Variants in MAFF observed in about 807,000 individuals in gnomAD.
The protein encoded by MAFF is MAF bZIP transcription factor F.
In MAFF, 4 loss-of-function variants were observed where a neutral mutation model predicts 2.7. That is an observed-to-expected ratio of 1.48 (90% CI 0.73 to 3.39). MAFF has a LOEUF of 3.39. Among genes scored for constraint, MAFF ranks in the 30% most tolerant of loss-of-function variants. The probability of loss-of-function intolerance (pLI) is 0.01; values close to 1 mark genes in which losing one functional copy is unlikely to be tolerated. For missense variants in MAFF, 190 were observed against 246.6 expected (o/e 0.77, Z 1.54); for synonymous variants, 113 against 119.4 (o/e 0.95, Z 0.35).
At chr22:38,208,637 G>A (rs1243055664) in intron 1 of MAFF, among the ~76,000 whole-genome samples, 1 of 152,186 alleles carries the variant, frequency 6.6e-6, no homozygotes, top group African/African-American at 2.4e-5. Flanking sequence ...CAGGTCTTGA[G>A]ATGGGTGGCC....
chr22:38,210,133 G>A (rs1464135647), intron 1 of MAFF, among the ~76,000 whole-genome samples: 1 of 152,190 alleles, frequency 6.6e-6, no homozygotes, highest in Non-Finnish European at 1.5e-5. Flanking sequence ...CTTCACCGTG[G>A]ATCCGCACAG....
intron 1 of MAFF, chr22:38,203,568 G>A (rs2146008349): frequency 6.6e-6 from 1 of 152,360 alleles, no homozygotes; most frequent in Admixed American, 6.5e-5. Context: ...GAAAGCACCT[G>A]TTTGTCGTAG....
At position 38,215,186 on chromosome 22, in the gene MAFF, G is replaced by A. The variant is rs2091138585; in HGVS notation, c.*308G>A. The A allele has an allele frequency of 3.0e-6, 1 of 331,070 alleles. No individual in the cohort carries two copies. 20.5% of individuals were successfully genotyped at this position (331,070 alleles called of 1,614,324 possible). On this transcript the variant is annotated 3_prime_UTR_variant, in exon 3 of 3. Transcript: ENST00000338483. ...CCGGCTTAGAGAACAGCTGTTGGGG[G>A]AGAAGAGGGCACCCCTCATCTTGGA...
chr22:38,213,358 T>G (rs2091116955), intron 1 of MAFF, among the ~76,000 whole-genome samples: 1 of 152,106 alleles, frequency 6.6e-6, no homozygotes, highest in Non-Finnish European at 1.5e-5. Flanking sequence ...TTAGGCATAT[T>G]GATGCCGTGG....
At chr22:38,208,721 C>G (rs2091072727) in intron 1 of MAFF, among the ~76,000 whole-genome samples, 1 of 152,124 alleles carries the variant, frequency 6.6e-6, no homozygotes, top group African/African-American at 2.4e-5. Context: ...CCATTACACA[C>G]AGGGGTGGGG....
At chr22:38,211,531 G>GT (rs2091101712) in intron 1 of MAFF, among the ~76,000 whole-genome samples, 1 of 151,898 alleles carries the variant, frequency 6.6e-6, no homozygotes, top group Non-Finnish European at 1.5e-5. Context: ...GGCCACTGGG[G>GT]ATCACTTTCT....
At position 38,214,250 on chromosome 22, in the gene MAFF, C is replaced by T. The variant is rs4821765; in HGVS notation, c.37-170C>T. On this transcript the variant is annotated intron_variant, in intron 2 of 2. Coordinates refer to ENST00000338483, the MANE Select transcript of MAFF (RefSeq NM_012323.4). The surrounding 1 kb of genome is among the most constrained non-coding windows in gnomAD (Gnocchi z 6.3). ...CCCGGGGTGGCCTCCTTTTGTGTCC[C>T]GATCCTAGTCTGGCCCGGTTTCCCC... Among the ~76,000 whole-genome samples, 124,893 of 152,274 alleles carry T rather than the reference C, an allele frequency of 0.82. 51,384 individuals are homozygous for T. Among genetic ancestry groups the T allele is most frequent in the Admixed American group, 0.87 (13,361 of 15,310 alleles).
chr22:38,206,340 CTTTTT>C (rs61643002), intron 1 of MAFF, among the ~76,000 whole-genome samples: 36 of 108,290 alleles, frequency 3.3e-4, no homozygotes, highest in Middle Eastern at 5.2e-3. Context: ...CCTATGCCTC[CTTTTT>C]TTTTTTTTTT....
In MAFF at chr22:38,214,224, C is replaced by CCCCG. The variant is rs2091124739; in HGVS notation, c.37-195_37-192dup. ...GCGCTAGGTTAGAATTCAGGCTGAG[C>CCCCG]CCCGGGGTGGCCTCCTTTTGTGTCC... On this transcript the variant is annotated intron_variant, in intron 2 of 2. Transcript: ENST00000338483. This position sits in a 1 kb window ranked among gnomAD's most constrained non-coding sequence, Gnocchi z 6.3. 6.6e-6 allele frequency among the ~76,000 whole-genome samples: 1 copy of CCCCG among 152,268 alleles called. No individual in the cohort carries two copies. The highest frequency in any genetic ancestry group is 1.5e-5 in the Non-Finnish European group (1 of 68,050).
intron 1 of MAFF, among the ~76,000 whole-genome samples, chr22:38,208,218 G>A (rs1381960956): frequency 6.6e-6 from 1 of 152,196 alleles, no homozygotes; most frequent in East Asian, 1.9e-4. Context: ...TATACCACTT[G>A]ATTCCACCAA....
Position 38,216,441 on chromosome 22 carries a change from A to C in MAFF, c.*1563A>C, listed in dbSNP as rs2091151158. ...TTTATTTCCTGACTTACAGCAAGCG[A>C]GTTATCGTCTTCTGTATTTTGTAGA... On this transcript the variant is annotated 3_prime_UTR_variant, in exon 3 of 3. Transcript: ENST00000338483. 6.0e-6 allele frequency: 1 copy of C among 167,046 alleles called. No homozygotes were observed. Among genetic ancestry groups the C allele is most frequent in the South Asian group, 2.1e-4 (1 of 4,824 alleles). 10.3% of individuals were successfully genotyped at this position (167,046 alleles called of 1,614,324 possible).
Position 38,214,654 on chromosome 22 carries a change from G to A in MAFF, c.271G>A (p.Asp91Asn), listed in dbSNP as rs745357714. ...KQKSELEREV[D>N]KLARENAAMR... ...GAAGTCGGAGCTGGAGCGCGAGGTG[G>A]ACAAGCTGGCGCGCGAGAACGCCGC... is the stretch of plus-strand genomic sequence containing the variant. The change falls in exon 3 of 3, where the codon GAC becomes AAC. Residue 91 changes from aspartate (D) to asparagine (N), a missense_variant. Physicochemically the swap from Asp to Asn is conservative, Grantham distance 23. Coordinates refer to ENST00000338483, the MANE Select transcript of MAFF (RefSeq NM_012323.4). The surrounding 1 kb of genome is among the most constrained non-coding windows in gnomAD (Gnocchi z 6.3). 5.5e-5 allele frequency: 86 copies of A among 1,556,388 alleles called. No individual in the cohort carries two copies. Among genetic ancestry groups the A allele is most frequent in the Non-Finnish European group, 6.4e-5 (74 of 1,151,204 alleles).
Position 38,214,361 on chromosome 22 carries a change from G to A in MAFF, c.37-59G>A, listed in dbSNP as rs943046792. Reference sequence around the variant, plus strand: ...TAAGGCGGTGAAAGAGGAACACCGCGGGTGGAGCGGGGGGGCCCGTCCCCA... The same window carrying A: ...TAAGGCGGTGAAAGAGGAACACCGCAGGTGGAGCGGGGGGGCCCGTCCCCA... On this transcript the variant is annotated intron_variant, in intron 2 of 2. Transcript: ENST00000338483. This position sits in a 1 kb window ranked among gnomAD's most constrained non-coding sequence, Gnocchi z 6.3. 4.8e-6 allele frequency: 7 copies of A among 1,460,678 alleles called. No homozygotes were observed. Among genetic ancestry groups the A allele is most frequent in the South Asian group, 1.3e-5 (1 of 75,104 alleles). 90.5% of individuals were successfully genotyped at this position (1,460,678 alleles called of 1,614,324 possible). A position where few individuals can be genotyped will look rare whatever the true frequency, so the allele number is the denominator to read the frequency against.
At position 38,213,814 on chromosome 22, in the gene MAFF, C is replaced by G. The variant is rs2091120824; in HGVS notation, c.-31-9C>G. The G allele has an allele frequency of 6.2e-7, 1 of 1,605,276 alleles. No individual in the cohort carries two copies. Among genetic ancestry groups the G allele is most frequent in the African/African-American group, 1.3e-5 (1 of 74,862 alleles). On this transcript the variant is annotated splice_polypyrimidine_tract_variant and intron_variant, in intron 1 of 2. Transcript: ENST00000338483. ...CAAAACAGTGACTTTGACCTCCTTT[C>G]TACCCTAGGTCTGCAGCCCAGAGGG... is the stretch of plus-strand genomic sequence containing the variant.
At chr22:38,206,926 T>C (rs2091056279) in intron 1 of MAFF, among the ~76,000 whole-genome samples, 1 of 152,052 alleles carries the variant, frequency 6.6e-6, no homozygotes, top group African/African-American at 2.4e-5. Context: ...TACTTAACTG[T>C]AACTTGCAAA....
At position 38,202,321 on chromosome 22, in the gene MAFF, C is replaced by T. The variant is rs1227674167; in HGVS notation, c.-32+109C>T. 1 of 152,072 alleles carries T rather than the reference C, an allele frequency of 6.6e-6. No homozygotes were observed. Among genetic ancestry groups the T allele is most frequent in the African/African-American group, 2.4e-5 (1 of 41,436 alleles). The allele number at this position is 152,072 out of a possible 1,614,324, so 9.4% of individuals were successfully genotyped here. A position where few individuals can be genotyped will look rare whatever the true frequency, so the allele number is the denominator to read the frequency against. Reference sequence around the variant, plus strand: ...CGCCCGGGCCCGATCCGTCGGGGCTCCCGGAGCTCCATCGCCCGGACGGCT... The same window carrying T: ...CGCCCGGGCCCGATCCGTCGGGGCTTCCGGAGCTCCATCGCCCGGACGGCT... On this transcript the variant is annotated intron_variant, in intron 1 of 2. Transcript: ENST00000338483. This position sits in a 1 kb window ranked among gnomAD's most constrained non-coding sequence, Gnocchi z 7.4.
chr22:38,205,250 G>A (rs1396351785), intron 1 of MAFF: 1 of 152,250 alleles, frequency 6.6e-6, no homozygotes, highest in African/African-American at 2.4e-5. Flanking sequence ...CCAGAGAGAG[G>A]GAGTGCCGTA....
chr22:38,209,813 C>CAAAAAAAAAAA (rs398037113), intron 1 of MAFF, among the ~76,000 whole-genome samples: 1 of 76,468 alleles, frequency 1.3e-5, no homozygotes, highest in East Asian at 4.0e-4. Flanking sequence ...GACTCCATCT[C>CAAAAAAAAAAA]AAAAAAAAAA....
intron 1 of MAFF, among the ~76,000 whole-genome samples, chr22:38,207,423 CTTTTTTTT>C (rs71195092): frequency 6.4e-5 from 5 of 78,350 alleles, no homozygotes; most frequent in African/African-American, 2.5e-4. Context: ...GCTTGGCCAT[CTTTTTTTT>C]TTTTTTTTTT....
Sources: gnomAD v4.1 joint callset for allele counts (sites outside exome capture counted in the v4.1 genomes callset) on GRCh38, gnomAD v4.1.1 for gene constraint, Gnocchi (gnomAD v3.1) non-coding constraint, MANE v1.5 for transcripts, NCBI Gene and HGNC (gene_info 2026-07-23, HGNC 2026-07-21) for gene names.